BACH2: variants seen among roughly 807,000 people sequenced by gnomAD.
BACH2 encodes the protein BACH transcriptional regulator 2, also known as transcription regulator protein BACH2.
A neutral mutation model predicts 61.8 loss-of-function variants in BACH2; 5 were observed. The observed-to-expected ratio is 0.08, with a 90% CI of 0.04 to 0.17. The LOEUF is 0.17. Ranked by LOEUF, BACH2 falls within the 10% of genes least tolerant of loss-of-function variation. The pLI is 1.00. For synonymous variants in BACH2, 446 were observed against 440.1 expected, an observed-to-expected ratio of 1.01 and a Z score of -0.17; for missense variants, 824 against 1,091.1, an observed-to-expected ratio of 0.76 and a Z score of 3.45.
Position 90,224,409 on chromosome 6 carries a change from G to A in BACH2, c.-274-17728C>T, listed in dbSNP as rs561448767. 2.0e-5 allele frequency among the ~76,000 whole-genome samples: 3 copies of A among 152,274 alleles called. No individual in the cohort carries two copies. In the South Asian group the frequency reaches 6.2e-4, roughly 32 times the overall value. On this transcript the variant is annotated intron_variant, in intron 3 of 8. Transcript: ENST00000257749. ...ATGTCATCAAGTGTGCTGAATATGTGTGACAAGAGGAATTTGCCTGTTCAA... is the reference window on the plus strand; with the variant it reads ...ATGTCATCAAGTGTGCTGAATATGTATGACAAGAGGAATTTGCCTGTTCAA...
chr6:90,088,843 C>A (rs1004123791), intron 5 of BACH2, 118 bp downstream of exon 5: 1 of 152,178 alleles, frequency 6.6e-6, no homozygotes, highest in Non-Finnish European at 1.5e-5. Context: ...GATAACTCTC[C>A]AGCTCCTTTG....
chr6:90,127,293 C>T (rs866152234), intron 4 of BACH2, among the ~76,000 whole-genome samples: 16 of 152,198 alleles, frequency 1.1e-4, no homozygotes, highest in African/African-American at 3.9e-4. Context: ...GGGTTGATGG[C>T]TGCAGGCATG....
chr6:89,965,832 C>T (rs1003130070), intron 6 of BACH2, among the ~76,000 whole-genome samples: 7 of 152,202 alleles, frequency 4.6e-5, no homozygotes, highest in Non-Finnish European at 8.8e-5. Context: ...ACCACTAATC[C>T]TCCAATAGCC....
At chr6:90,286,511 G>C (rs1173953004) in intron 1 of BACH2, among the ~76,000 whole-genome samples, 1 of 152,124 alleles carries the variant, frequency 6.6e-6, no homozygotes, top group Admixed American at 6.5e-5. Context: ...AAAATGTCTT[G>C]AACTTAAAAT....
intron 5 of BACH2, among the ~76,000 whole-genome samples, chr6:90,022,305 C>A (rs961130673): frequency 6.6e-6 from 1 of 152,174 alleles, no homozygotes; most frequent in African/African-American, 2.4e-5. Flanking sequence ...CGACATCGGT[C>A]AGGCGCGGTG....
chr6:89,933,925 G>A (rs1562304276), intron 8 of BACH2, among the ~76,000 whole-genome samples: 1 of 152,016 alleles, frequency 6.6e-6, no homozygotes, highest in Non-Finnish European at 1.5e-5. Flanking sequence ...GGTGGAAGCT[G>A]CAGTGAGCGA....
chr6:89,983,305 G>A (rs180842555), intron 6 of BACH2, among the ~76,000 whole-genome samples: 140 of 152,266 alleles, frequency 9.2e-4, no homozygotes, highest in African/African-American at 2.9e-3. Flanking sequence ...GAAAAGGCAG[G>A]CATGACACTT....
intron 5 of BACH2, among the ~76,000 whole-genome samples, chr6:90,016,807 G>GTT (rs959653011): frequency 5.6e-5 from 8 of 144,024 alleles, no homozygotes; most frequent in African/African-American, 1.8e-4. Context: ...GTTGACAGGT[G>GTT]TTTTTTTTTT....
chr6:90,034,611 A>G (rs1240624415), intron 5 of BACH2, among the ~76,000 whole-genome samples: 1 of 152,218 alleles, frequency 6.6e-6, no homozygotes, highest in Non-Finnish European at 1.5e-5. Flanking sequence ...ATTCAGCAAT[A>G]AAGTATCAGG....
rs1276446827 is a variant in BACH2 at position 89,931,753 on chromosome 6, A to G, written c.*655T>C. 1 of 152,646 alleles carries G rather than the reference A, an allele frequency of 6.6e-6. No individual in the cohort carries two copies. The highest frequency in any genetic ancestry group is 6.5e-5 in the Admixed American group (1 of 15,280). The allele number at this position is 152,646 out of a possible 1,614,324, so 9.5% of individuals were successfully genotyped here. A position where few individuals can be genotyped will look rare whatever the true frequency, so the allele number is the denominator to read the frequency against. On this transcript the variant is annotated 3_prime_UTR_variant, in exon 9 of 9. Transcript: ENST00000257749. ...AAGCTTCCAACACTGAATTTTGTCC[A>G]TAAATAAGTACGAATTGAAAATTGA...
intron 4 of BACH2, among the ~76,000 whole-genome samples, chr6:90,151,897 T>A (rs1226096752): frequency 6.6e-6 from 1 of 152,172 alleles, no homozygotes; most frequent in African/African-American, 2.4e-5. Flanking sequence ...ATGAATTCTT[T>A]TACGATTTGT....
chr6:90,127,586 T>C (rs369283029), intron 4 of BACH2, among the ~76,000 whole-genome samples: 1 of 152,212 alleles, frequency 6.6e-6, no homozygotes, highest in Admixed American at 6.5e-5. Flanking sequence ...GCTGGGAAGA[T>C]GTGACTTTCT....
At chr6:90,285,155 G>C (rs959132249) in intron 1 of BACH2, among the ~76,000 whole-genome samples, 4 of 152,154 alleles carry the variant, frequency 2.6e-5, no homozygotes, top group Non-Finnish European at 5.9e-5. Context: ...AAGCAAAACT[G>C]AACTCTGAAA....
intron 4 of BACH2, among the ~76,000 whole-genome samples, chr6:90,115,328 A>T (rs770267200): frequency 1.1e-4 from 17 of 152,300 alleles, no homozygotes; most frequent in Non-Finnish European, 1.6e-4. Context: ...ACAAACACAT[A>T]AACCAATGGA....
At chr6:89,995,228 C>A (rs1181593756) in intron 6 of BACH2, among the ~76,000 whole-genome samples, 1 of 151,988 alleles carries the variant, frequency 6.6e-6, no homozygotes, top group Admixed American at 6.6e-5. Flanking sequence ...GTAGAATTAC[C>A]CTCACCCTCC....
intron 7 of BACH2, among the ~76,000 whole-genome samples, chr6:89,938,598 G>T (rs548536934): frequency 2.4e-4 from 37 of 152,270 alleles, no homozygotes; most frequent in African/African-American, 8.9e-4. Flanking sequence ...CAAATGACAT[G>T]AACAATATTG....
intron 4 of BACH2, among the ~76,000 whole-genome samples, chr6:90,131,200 A>G (rs1164709974): frequency 6.6e-6 from 1 of 152,228 alleles, no homozygotes. Flanking sequence ...ACAACACAAG[A>G]TGAATTCTGT....
At chr6:90,132,189 T>C (rs986204078) in intron 4 of BACH2, among the ~76,000 whole-genome samples, 1 of 152,222 alleles carries the variant, frequency 6.6e-6, no homozygotes, top group African/African-American at 2.4e-5. Flanking sequence ...ACCACGCTCT[T>C]CTGCCAAGTG....
At chr6:90,174,040 T>C (rs1364978578) in intron 4 of BACH2, among the ~76,000 whole-genome samples, 2 of 152,108 alleles carry the variant, frequency 1.3e-5, no homozygotes, top group South Asian at 2.1e-4. Context: ...TTAATAGAAA[T>C]ATTTAATTCC....
Sources: allele counts gnomAD v4.1 joint callset (sites outside exome capture counted in the v4.1 genomes callset), GRCh38; gene constraint gnomAD v4.1.1; transcripts MANE v1.5; gene names NCBI Gene and HGNC (gene_info 2026-07-23, HGNC 2026-07-21).